Variants in MARCO observed in about 807,000 individuals in gnomAD.
MARCO encodes the protein macrophage receptor MARCO.
MARCO carries 72 observed loss-of-function variants against 70.0 expected under a neutral mutation model. The ratio of observed to expected loss-of-function variants is 1.03; its 90% CI spans 0.85 to 1.25. The LOEUF is 1.25. Ranked by LOEUF, MARCO falls within the 50% of genes most tolerant of loss-of-function variation. The pLI is 0.00. For synonymous variants in MARCO, 273 were observed against 243.1 expected (o/e 1.12, Z -1.14); for missense variants, 696 against 659.3 (o/e 1.06, Z -0.61).
chr2:118,960,846 T>A (rs966930312), intron 1 of MARCO, among the ~76,000 whole-genome samples: 2 of 152,138 alleles, frequency 1.3e-5, no homozygotes, highest in African/African-American at 4.8e-5. Context: ...CACCTAGATA[T>A]TAAGCTCAGA....
At chr2:118,965,458 A>T (rs1040059713) in intron 1 of MARCO, among the ~76,000 whole-genome samples, 1 of 152,118 alleles carries the variant, frequency 6.6e-6, no homozygotes, top group African/African-American at 2.4e-5. Flanking sequence ...TTGTTTCAAG[A>T]ATAGTTTTAA....
At chr2:118,958,098 G>A (rs1482320530) in intron 1 of MARCO, among the ~76,000 whole-genome samples, 2 of 151,900 alleles carry the variant, frequency 1.3e-5, no homozygotes, top group East Asian at 3.9e-4. Flanking sequence ...AACAAGATAA[G>A]GATGCTCACT....
chr2:118,950,115 T>C (rs1348120741), intron 1 of MARCO, among the ~76,000 whole-genome samples: 1 of 152,232 alleles, frequency 6.6e-6, no homozygotes, highest in Non-Finnish European at 1.5e-5. Context: ...CATTTTATAT[T>C]TGACAGTGCT....
At chr2:118,976,884 T>C (rs1680293476) in intron 6 of MARCO, among the ~76,000 whole-genome samples, 1 of 152,190 alleles carries the variant, frequency 6.6e-6, no homozygotes, top group South Asian at 2.1e-4. Flanking sequence ...CTGTTTTGTG[T>C]CACTACTACA....
intron 16 of MARCO, among the ~76,000 whole-genome samples, chr2:118,994,016 G>A (rs1174607656): frequency 6.6e-6 from 1 of 152,176 alleles, no homozygotes; most frequent in Non-Finnish European, 1.5e-5. Flanking sequence ...CAGGGCGATG[G>A]CTTGATTACA....
chr2:118,976,956 G>T (rs966709835), intron 6 of MARCO, among the ~76,000 whole-genome samples: 8 of 152,184 alleles, frequency 5.3e-5, no homozygotes, highest in African/African-American at 1.9e-4. Flanking sequence ...GATTCTGCAG[G>T]CTGGGAAGTT....
At chr2:118,956,223 C>A (rs940341535) in intron 1 of MARCO, among the ~76,000 whole-genome samples, 2 of 152,160 alleles carry the variant, frequency 1.3e-5, no homozygotes, top group Admixed American at 6.5e-5. Flanking sequence ...ACTCAACAAC[C>A]AACTACCTGC....
At chr2:118,963,308 G>T (rs1679983569) in intron 1 of MARCO, among the ~76,000 whole-genome samples, 1 of 143,956 alleles carries the variant, frequency 6.9e-6, no homozygotes, top group African/African-American at 2.7e-5. Context: ...CCTTTCATTT[G>T]TATTTTTAAA....
intron 12 of MARCO, among the ~76,000 whole-genome samples, chr2:118,989,690 GTT>G (rs1680585442): frequency 6.6e-6 from 1 of 152,192 alleles, no homozygotes; most frequent in African/African-American, 2.4e-5. Flanking sequence ...CTGCAAGGAG[GTT>G]GACTGAGCTC....
At chr2:118,992,539 T>A in intron 15 of MARCO, 63 bp downstream of exon 15, 1 of 1,394,436 alleles carries the variant, frequency 7.2e-7, no homozygotes, top group South Asian at 1.2e-5. Flanking sequence ...CTGAAAATTG[T>A]GTGTGTTGGG....
Position 118,982,095 on chromosome 2 carries a change from G to T in MARCO, c.902-61G>T, listed in dbSNP as rs1680403210. On this transcript the variant is annotated intron_variant, in intron 10 of 16. Transcript: ENST00000327097. ...ACTGCTGAAAACAGAAGCACTGGGG[G>T]TTGGGGTATCTGGGCCCTCTGCCAA... 6 of 1,207,564 alleles carry T rather than the reference G, an allele frequency of 5.0e-6. No homozygotes were observed. In the East Asian group the frequency reaches 1.2e-4, roughly 25 times the overall value. The allele number at this position is 1,207,564 out of a possible 1,614,324, so 74.8% of individuals were successfully genotyped here. A position where few individuals can be genotyped will look rare whatever the true frequency, so the allele number is the denominator to read the frequency against.
intron 1 of MARCO, chr2:118,952,956 A>T (rs959689733): frequency 5.3e-5 from 8 of 152,250 alleles, no homozygotes; most frequent in African/African-American, 1.9e-4. Context: ...AGGGTGCTCA[A>T]TTGCAGATGG....
chr2:118,969,873 A>G (rs553658504), intron 2 of MARCO, among the ~76,000 whole-genome samples: 1 of 152,356 alleles, frequency 6.6e-6, no homozygotes, highest in Non-Finnish European at 1.5e-5. Context: ...TTGTGGATGC[A>G]GTAGGCACAG....
intron 1 of MARCO, among the ~76,000 whole-genome samples, chr2:118,965,674 C>T (rs1387755188): frequency 6.6e-6 from 1 of 152,132 alleles, no homozygotes; most frequent in Non-Finnish European, 1.5e-5. Flanking sequence ...CTATTTAAAA[C>T]TTCTATTTTA....
At chr2:118,987,242 G>C (rs1426375936) in intron 12 of MARCO, among the ~76,000 whole-genome samples, 1 of 152,194 alleles carries the variant, frequency 6.6e-6, no homozygotes, top group Non-Finnish European at 1.5e-5. Context: ...GAAAAATCCA[G>C]CATTTATTTG....
intron 1 of MARCO, among the ~76,000 whole-genome samples, chr2:118,960,228 T>A (rs1383043739): frequency 3.3e-5 from 5 of 152,142 alleles, no homozygotes; most frequent in African/African-American, 1.2e-4. Context: ...AATTTCTTTC[T>A]TTCCAAACTG....
At chr2:118,954,142 G>A (rs1023081627) in intron 1 of MARCO, among the ~76,000 whole-genome samples, 2 of 152,234 alleles carry the variant, frequency 1.3e-5, no homozygotes, top group Non-Finnish European at 2.9e-5. Context: ...CCTTGTCTTT[G>A]GCAGCTGGGA....
chr2:118,973,852 C>A (rs1482813541), intron 4 of MARCO, among the ~76,000 whole-genome samples: 2 of 152,200 alleles, frequency 1.3e-5, no homozygotes, highest in African/African-American at 2.4e-5. Flanking sequence ...TTCCTCCCAA[C>A]AAATACCTAT....
chr2:118,954,181 A>G (rs1414182575), intron 1 of MARCO, among the ~76,000 whole-genome samples: 1 of 152,166 alleles, frequency 6.6e-6, no homozygotes, highest in Non-Finnish European at 1.5e-5. Context: ...CAAGTTTTCA[A>G]GGCTGTCTCC....
Sources: gnomAD v4.1 joint callset for allele counts (sites outside exome capture counted in the v4.1 genomes callset) on GRCh38, gnomAD v4.1.1 for gene constraint, MANE v1.5 for transcripts, NCBI Gene and HGNC (gene_info 2026-07-23, HGNC 2026-07-21) for gene names.